The following GARNL3 variants were observed in gnomAD, a reference collection of about 807,000 sequenced individuals.
GARNL3 encodes GTPase-activating Rap/Ran-GAP domain-like protein 3.
In GARNL3, 63 loss-of-function variants were observed where a neutral mutation model predicts 125.0. The ratio of observed to expected loss-of-function variants is 0.50; its 90% CI spans 0.41 to 0.62. The LOEUF is 0.62. GARNL3 is among the 20% of genes least tolerant of loss of function. GARNL3 has a pLI of 0.00. For synonymous variants in GARNL3, 439 were observed against 457.5 expected (o/e 0.96, Z 0.52); for missense variants, 994 against 1,244.0 (o/e 0.80, Z 3.02).
intron 7 of GARNL3, among the ~76,000 whole-genome samples, chr9:127,330,081 C>G (rs929348506): frequency 6.6e-6 from 1 of 152,200 alleles, no homozygotes; most frequent in Admixed American, 6.5e-5. Context: ...TTATCAGGCC[C>G]TATCCCAAAC....
intron 7 of GARNL3, among the ~76,000 whole-genome samples, chr9:127,329,532 T>G (rs1829092102): frequency 6.6e-6 from 1 of 152,166 alleles, no homozygotes; most frequent in Admixed American, 6.5e-5. Flanking sequence ...CCAGTCTTTC[T>G]GGAGTCTCCA....
rs1385862085 is a variant in GARNL3, at chr9:127,318,124, T to G, written c.500T>G (p.Leu167Ter). ...PTKTLSVKSI[L>*]SAMNLDKFEK... The stretch of plus-strand genomic sequence containing the variant: ...AAAACTCTTTCTGTGAAGTCCATCT[T>G]AAGGTGAGTTCTAATGGGTAGAAAC... The change falls in exon 5 of 28, where the codon TTA (leucine) becomes TGA (stop). Residue 167 changes from leucine to a stop codon, truncating the protein, a stop_gained. Coordinates refer to ENST00000373387, the MANE Select transcript of GARNL3 (RefSeq NM_032293.5). LOFTEE classifies it high-confidence loss of function. 6.3e-7 allele frequency: 1 copy of G among 1,584,878 alleles called. No individual in the cohort carries two copies. Among genetic ancestry groups the G allele is most frequent in the African/African-American group, 1.3e-5 (1 of 74,236 alleles).
chr9:127,307,940 C>G (rs1343206439), intron 2 of GARNL3, among the ~76,000 whole-genome samples: 1 of 152,192 alleles, frequency 6.6e-6, no homozygotes, highest in Admixed American at 6.5e-5. Context: ...GCTGGACTCC[C>G]CCTATGTCTG....
intron 1 of GARNL3, among the ~76,000 whole-genome samples, chr9:127,228,633 C>A (rs2131123901): frequency 6.6e-6 from 1 of 152,156 alleles, no homozygotes; most frequent in Middle Eastern, 3.4e-3. Flanking sequence ...TTATGCTTTC[C>A]TTATTGAATT....
intron 2 of GARNL3, among the ~76,000 whole-genome samples, chr9:127,252,996 GGCATTGTATT>G (rs1268234933): frequency 2.0e-5 from 3 of 152,104 alleles, no homozygotes; most frequent in Non-Finnish European, 4.4e-5. Flanking sequence ...TTATATTAGT[GGCATTGTATT>G]AACCTCTGAA....
chr9:127,324,600 A>G (rs1241098687), intron 6 of GARNL3, among the ~76,000 whole-genome samples: 4 of 152,228 alleles, frequency 2.6e-5, no homozygotes, highest in Admixed American at 2.0e-4. Flanking sequence ...TCTGGAAAAG[A>G]TGGGACTTCC....
chr9:127,292,020 C>T (rs2064436297), intron 2 of GARNL3, among the ~76,000 whole-genome samples: 1 of 152,110 alleles, frequency 6.6e-6, no homozygotes, highest in Non-Finnish European at 1.5e-5. Context: ...TAGTAAGCTT[C>T]AGAAGTGCTA....
chr9:127,264,437 G>A (rs2063658621), upstream of GARNL3: 1 of 812,130 alleles, frequency 1.2e-6, no homozygotes, highest in Non-Finnish European at 1.5e-6. Context: ...AATTAAAGGG[G>A]GACAGAGGGT....
chr9:127,263,942 G>A (rs2063646262), upstream of GARNL3: 2 of 1,515,132 alleles, frequency 1.3e-6, no homozygotes, highest in Non-Finnish European at 1.8e-6. Flanking sequence ...CTTTCTGCAT[G>A]TGCCAAGAGG....
chr9:127,317,560 A>G (rs2065273237), intron 4 of GARNL3, among the ~76,000 whole-genome samples: 1 of 151,834 alleles, frequency 6.6e-6, no homozygotes, highest in South Asian at 2.1e-4. Flanking sequence ...CCCCATCTCT[A>G]CTAAAAATTA....
At chr9:127,318,607 C>T (rs907149177) in intron 5 of GARNL3, among the ~76,000 whole-genome samples, 2 of 152,162 alleles carry the variant, frequency 1.3e-5, no homozygotes, top group African/African-American at 2.4e-5. Context: ...CCAGACAGAA[C>T]GTTAAATGGA....
Position 127,305,665 on chromosome 9 carries a change from T to C in GARNL3, c.220-5971T>C, listed in dbSNP as rs2064932882. On this transcript the variant is annotated intron_variant, in intron 2 of 27. Coordinates refer to ENST00000373387, the MANE Select transcript of GARNL3 (RefSeq NM_032293.5). The stretch of plus-strand genomic sequence containing the variant: ...ATGGCTCACTGCAGCCTCAGCCTTC[T>C]GGGTTCAAGTGATCCTCCCACCTCA... Among the ~76,000 whole-genome samples, 9 of 152,160 alleles carry C rather than the reference T, an allele frequency of 5.9e-5. No homozygotes were observed. The South Asian group carries it at 1.7e-3, about 28-fold the overall frequency.
Position 127,343,011 on chromosome 9 carries a change from C to A in GARNL3, c.1251+677C>A, listed in dbSNP as rs535700725. The stretch of plus-strand genomic sequence containing the variant: ...CTCCTGGGTTCAAGCAATTCTCCTA[C>A]CTCAGCCTCCCAAGTAGCTGGGGTT... On this transcript the variant is annotated intron_variant, in intron 14 of 27. Transcript: ENST00000373387. Among the ~76,000 whole-genome samples, 11 of 151,622 alleles carry A rather than the reference C, an allele frequency of 7.3e-5. No individual in the cohort carries two copies. In the East Asian group the frequency reaches 1.9e-3, roughly 27 times the overall value.
chr9:127,261,436 G>A (rs1355255856), upstream of GARNL3, among the ~76,000 whole-genome samples: 1 of 129,766 alleles, frequency 7.7e-6, no homozygotes, highest in Admixed American at 7.9e-5. Context: ...TTGAGATAGA[G>A]TTTTGCTCTT....
intron 1 of GARNL3, chr9:127,225,248 G>C (rs936877443): frequency 1.7e-6 from 1 of 577,140 alleles, no homozygotes; most frequent in African/African-American, 2.0e-5. Flanking sequence ...CGCGCGAGCC[G>C]AGCGGCCGGC....
At chr9:127,379,890 T>C (rs1229541499) in intron 22 of GARNL3, among the ~76,000 whole-genome samples, 1 of 152,176 alleles carries the variant, frequency 6.6e-6, no homozygotes, top group Non-Finnish European at 1.5e-5. Flanking sequence ...CAAAATGCTA[T>C]CAGTACTGGC....
At chr9:127,276,495 T>A (rs759951001) in intron 1 of GARNL3, among the ~76,000 whole-genome samples, 1 of 152,218 alleles carries the variant, frequency 6.6e-6, no homozygotes, top group Non-Finnish European at 1.5e-5. Flanking sequence ...AATCTTTCCC[T>A]GTCTTAAAAT....
chr9:127,389,673 T>C (rs1277916632), intron 26 of GARNL3, among the ~76,000 whole-genome samples: 1 of 152,064 alleles, frequency 6.6e-6, no homozygotes, highest in Non-Finnish European at 1.5e-5. Context: ...TATCTCAGCA[T>C]TTTGGGAGAG....
rs766677390 is a variant in GARNL3 at position 127,338,153 on chromosome 9, C to T, written c.1020C>T (p.Asp340=). 6.2e-7 allele frequency: 1 copy of T among 1,609,502 alleles called. No individual in the cohort carries two copies. Among genetic ancestry groups the T allele is most frequent in the East Asian group, 2.2e-5 (1 of 44,848 alleles). The change falls in exon 12 of 28, where the codon GAC becomes GAT. Residue 340 remains aspartate (D), a synonymous_variant. Coordinates refer to ENST00000373387, the MANE Select transcript of GARNL3 (RefSeq NM_032293.5). ...TAGTGAGATACAATCAACAAAATGA[C>T]AATTACAGGTAGGTAATGACTTTGT... ...FALVRYNQQN[D]NYRLKIFSEE...
Sources: gnomAD v4.1 joint callset for allele counts (sites outside exome capture counted in the v4.1 genomes callset) on GRCh38, gnomAD v4.1.1 for gene constraint, MANE v1.5 for transcripts, NCBI Gene and HGNC (gene_info 2026-07-23, HGNC 2026-07-21) for gene names.